Variants in PPP2R2C observed in about 807,000 individuals in gnomAD.
PPP2R2C encodes protein phosphatase 2 regulatory subunit Bgamma, also known as protein phosphatase 2, regulatory subunit B, gamma.
A neutral mutation model predicts 45.3 loss-of-function variants in PPP2R2C; 10 were observed. The observed-to-expected ratio is 0.22, with a 90% CI of 0.14 to 0.37. The LOEUF is 0.37. PPP2R2C is among the 10% of genes least tolerant of loss of function. PPP2R2C has a pLI of 1.00. For missense variants in PPP2R2C, 308 were observed against 619.7 expected (o/e 0.50, Z 5.34); for synonymous variants, 257 against 245.4 (o/e 1.05, Z -0.44).
At chr4:6,343,969 C>T (rs1711572218) in intron 6 of PPP2R2C, among the ~76,000 whole-genome samples, 1 of 152,218 alleles carries the variant, frequency 6.6e-6, no homozygotes. Context: ...ACAGGCAGCC[C>T]CACCCTGTCT....
Position 6,340,170 on chromosome 4 carries a change from A to T in PPP2R2C, c.791-6439T>A, listed in dbSNP as rs1366582536. Among the ~76,000 whole-genome samples the T allele has an allele frequency of 2.0e-5, 3 of 151,552 alleles. 1 individual carries two copies. The South Asian group carries it at 6.2e-4, about 32-fold the overall frequency. On this transcript the variant is annotated intron_variant, in intron 6 of 8. Transcript: ENST00000382599. ...GTGATCGAGCCCCATCAAACAAAAA[A>T]CTCAAGCCCAGCTGTGGCCCCCAGG...
intron 2 of PPP2R2C, among the ~76,000 whole-genome samples, chr4:6,487,436 T>C (rs1480509393): frequency 6.6e-6 from 1 of 152,016 alleles, no homozygotes; most frequent in Admixed American, 6.6e-5. Context: ...CTCAGAAGTC[T>C]ATTTTGCTTT....
chr4:6,427,407 G>A (rs970398692), intron 1 of PPP2R2C, among the ~76,000 whole-genome samples: 7 of 152,202 alleles, frequency 4.6e-5, no homozygotes, highest in Non-Finnish European at 1.0e-4. Context: ...GCTCCCACGT[G>A]GGGGCCCTTC....
intron 1 of PPP2R2C, among the ~76,000 whole-genome samples, chr4:6,461,577 G>A (rs1308114200): frequency 6.6e-6 from 1 of 152,216 alleles, no homozygotes; most frequent in African/African-American, 2.4e-5. Context: ...GCTGACAGAT[G>A]AGAAGGGTCT....
chr4:6,359,356 A>G (rs932535617), intron 5 of PPP2R2C, among the ~76,000 whole-genome samples: 1 of 152,022 alleles, frequency 6.6e-6, no homozygotes, highest in Non-Finnish European at 1.5e-5. Flanking sequence ...GGAGTGGGGG[A>G]ATGGAGGAGG....
intron 2 of PPP2R2C, among the ~76,000 whole-genome samples, chr4:6,478,500 T>C (rs1318180650): frequency 8.9e-6 from 1 of 112,608 alleles, no homozygotes; most frequent in Non-Finnish European, 1.9e-5. Flanking sequence ...TCAGCCCGAG[T>C]CCTTAATTGA....
chr4:6,524,662 G>A (rs569586550), intron 2 of PPP2R2C, among the ~76,000 whole-genome samples: 124 of 152,264 alleles, frequency 8.1e-4, no homozygotes, highest in Admixed American at 3.4e-3. Context: ...TGGTTGGGCC[G>A]AGCTTCACCT....
intron 4 of PPP2R2C, among the ~76,000 whole-genome samples, chr4:6,375,165 A>T (rs1179313176): frequency 1.3e-5 from 2 of 152,156 alleles, no homozygotes; most frequent in African/African-American, 2.4e-5. Flanking sequence ...ATTACTCAAC[A>T]TCGAAGCTAA....
At chr4:6,400,133 C>A (rs1577148021) in intron 1 of PPP2R2C, among the ~76,000 whole-genome samples, 1 of 152,168 alleles carries the variant, frequency 6.6e-6, no homozygotes, top group South Asian at 2.1e-4. Context: ...CAGGGGACCC[C>A]AAGACGTTTT....
chr4:6,342,081 T>TACACACACAC lies in PPP2R2C; in HGVS notation c.790+5755_790+5764dup, dbSNP rs58305750. On this transcript the variant is annotated intron_variant, in intron 6 of 8. Transcript: ENST00000382599. ...AAAACATTTTGGAGATCTGCCACGA[T>TACACACACAC]ACACACACACACACACACACACACA... 1.2e-3 allele frequency among the ~76,000 whole-genome samples: 161 copies of TACACACACAC among 139,708 alleles called. 1 individual carries two copies. Among genetic ancestry groups the TACACACACAC allele is most frequent in the East Asian group, 0.012 (53 of 4,606 alleles). The allele number at this position is 139,708 out of a possible 152,430, so 91.7% of individuals were successfully genotyped here.
intron 1 of PPP2R2C, among the ~76,000 whole-genome samples, chr4:6,554,932 A>AAGG (rs1560620302): frequency 2.7e-5 from 2 of 74,252 alleles, no homozygotes; most frequent in East Asian, 4.5e-4. Context: ...GGAAGGAAGG[A>AAGG]AAGAAAGAAA....
chr4:6,469,282 C>T (rs1421308085), intron 1 of PPP2R2C, among the ~76,000 whole-genome samples: 5 of 151,996 alleles, frequency 3.3e-5, no homozygotes, highest in Admixed American at 3.3e-4. Context: ...GTGAGAAAGG[C>T]AGGAGGTGGG....
At chr4:6,398,562 C>T (rs559857883) in intron 1 of PPP2R2C, among the ~76,000 whole-genome samples, 6 of 152,240 alleles carry the variant, frequency 3.9e-5, no homozygotes, top group Non-Finnish European at 5.9e-5. Context: ...TACCAGTGTA[C>T]ACCCATCAGA....
chr4:6,452,464 G>C (rs180845935), intron 1 of PPP2R2C, among the ~76,000 whole-genome samples: 1 of 152,128 alleles, frequency 6.6e-6, no homozygotes, highest in Non-Finnish European at 1.5e-5. Context: ...CTCAGCAGTC[G>C]CCCTTTCTTC....
chr4:6,336,039 G>A (rs970312863), intron 6 of PPP2R2C, among the ~76,000 whole-genome samples: 17 of 152,130 alleles, frequency 1.1e-4, no homozygotes, highest in African/African-American at 2.9e-4. Context: ...GCAGGTGGTC[G>A]CTCCTTCCAG....
At chr4:6,512,404 A>T (rs201387619) in intron 2 of PPP2R2C, among the ~76,000 whole-genome samples, 1 of 4,186 alleles carries the variant, frequency 2.4e-4, no homozygotes, top group African/African-American at 9.1e-4. Flanking sequence ...GGTGGTGGTG[A>T]TGGTGGTGGT....
rs139592105 is a variant in PPP2R2C, at chr4:6,363,785, A to G, written c.625+8738T>C. 2.3e-3 allele frequency among the ~76,000 whole-genome samples: 354 copies of G among 152,212 alleles called. 3 individuals carry two copies. Among genetic ancestry groups the G allele is most frequent in the Non-Finnish European group, 1.7e-3 (116 of 68,006 alleles). ...AGGGAGACCCGGCAAGGATAGCCCA[A>G]CTGTCTAAATGAAAGCCAGTTTCAG... is the stretch of plus-strand genomic sequence containing the variant. On this transcript the variant is annotated intron_variant, in intron 5 of 8. Coordinates refer to ENST00000382599, the MANE Select transcript of PPP2R2C (RefSeq NM_020416.4).
chr4:6,434,241 A>C (rs1025636105), intron 1 of PPP2R2C, among the ~76,000 whole-genome samples: 4 of 152,076 alleles, frequency 2.6e-5, no homozygotes, highest in African/African-American at 7.2e-5. Context: ...GGAATAATTT[A>C]TGTAAACAGT....
chr4:6,360,209 G>A (rs1713604094), intron 5 of PPP2R2C, among the ~76,000 whole-genome samples: 1 of 152,228 alleles, frequency 6.6e-6, no homozygotes, highest in Admixed American at 6.5e-5. Context: ...CACATGCAGA[G>A]CCCTGGCAGA....
Sources: gnomAD v4.1 joint callset for allele counts (sites outside exome capture counted in the v4.1 genomes callset) on GRCh38, gnomAD v4.1.1 for gene constraint, MANE v1.5 for transcripts, NCBI Gene and HGNC (gene_info 2026-07-23, HGNC 2026-07-21) for gene names.